The following TTK variants were observed in gnomAD, a reference collection of about 807,000 sequenced individuals.
TTK encodes TTK protein kinase.
Under a neutral mutation model 117.3 loss-of-function variants are expected in TTK, and 59 were observed. The ratio of observed to expected loss-of-function variants is 0.50; its 90% CI spans 0.41 to 0.62. The LOEUF is 0.62. Among genes scored for constraint, TTK ranks in the 20% least tolerant of loss-of-function variants. The pLI is 0.00. For synonymous variants in TTK, 302 were observed against 325.0 expected (o/e 0.93, Z 0.76); for missense variants, 921 against 989.4 (o/e 0.93, Z 0.93).
intron 9 of TTK, among the ~76,000 whole-genome samples, chr6:80,013,779 A>G (rs1708083847): frequency 6.6e-6 from 1 of 152,118 alleles, no homozygotes; most frequent in Non-Finnish European, 1.5e-5. Flanking sequence ...AGGTGAGGAC[A>G]TAAATAATCC....
chr6:80,020,068 C>A (rs115205159), intron 10 of TTK, among the ~76,000 whole-genome samples: 1 of 80,586 alleles, frequency 1.2e-5, no homozygotes, highest in Admixed American at 1.5e-4. Flanking sequence ...ATAAACATGT[C>A]TAAACATGTA....
At chr6:80,022,507 T>A in intron 11 of TTK, 35 bp downstream of exon 11, 1 of 1,599,808 alleles carries the variant, frequency 6.3e-7, no homozygotes, top group Non-Finnish European at 8.5e-7. Context: ...ATTGCTTTTT[T>A]GTTCATAATG....
In TTK at chr6:80,040,700, T is replaced by C; in HGVS notation, c.2487T>C (p.Ala829=). The C allele has an allele frequency of 6.2e-7, 1 of 1,611,102 alleles. No individual in the cohort carries two copies. The highest frequency in any genetic ancestry group is 8.5e-7 in the Non-Finnish European group (1 of 1,178,098). Reference sequence around the variant, plus strand: ...CTCCTAACTCCATTTTGAAAGCTGCTAAAGTAAGTATGTCTATTCTTTACA... The same window carrying C: ...CTCCTAACTCCATTTTGAAAGCTGCCAAAGTAAGTATGTCTATTCTTTACA... The part of the protein sequence containing the change: ...LNSPNSILKA[A]KTLYEHYSGG... Residue 829 remains alanine, a synonymous_variant, in exon 21 of 22, where the codon GCT becomes GCC. Transcript: ENST00000369798.
chr6:80,040,351 C>A, intron 20 of TTK, 71 bp downstream of exon 20: 1 of 1,290,104 alleles, frequency 7.8e-7, no homozygotes, highest in Non-Finnish European at 1.1e-6. Context: ...ATTAATATAA[C>A]AAAGACAGAA....
chr6:80,037,098 G>A (rs1468142663), intron 17 of TTK, among the ~76,000 whole-genome samples: 2 of 152,136 alleles, frequency 1.3e-5, no homozygotes, highest in Non-Finnish European at 2.9e-5. Flanking sequence ...TATTGCAACA[G>A]CAAACTAAAA....
At chr6:80,026,354 A>G in intron 11 of TTK, 24 bp from the exon 12 acceptor site, 1 of 1,596,868 alleles carries the variant, frequency 6.3e-7, no homozygotes, top group Non-Finnish European at 8.5e-7. Context: ...AAACTAAATC[A>G]TGGTGTTCTT....
intron 11 of TTK, among the ~76,000 whole-genome samples, chr6:80,024,157 G>C (rs981033354): frequency 2.6e-5 from 4 of 152,212 alleles, no homozygotes; most frequent in South Asian, 2.1e-4. Context: ...TATGCTGCTA[G>C]TGGGAATGTA....
intron 13 of TTK, among the ~76,000 whole-genome samples, chr6:80,031,236 T>G (rs1767752598): frequency 6.6e-6 from 1 of 151,758 alleles, no homozygotes. Context: ...CTCCTTAAAT[T>G]TTCTTTTTAA....
chr6:80,028,086 A>C (rs73747981), intron 13 of TTK, 75 bp downstream of exon 13: 55 of 1,422,702 alleles, frequency 3.9e-5, no homozygotes, highest in African/African-American at 5.9e-5. Context: ...TATAGCATCT[A>C]GTTATCAAGA....
chr6:80,007,219 G>C (rs240225), intron 2 of TTK, among the ~76,000 whole-genome samples: 93,855 of 151,846 alleles, frequency 0.62, 29,448 homozygotes, highest in Admixed American at 0.73. Context: ...AATTATCAGG[G>C]CCTCTAGCAG....
chr6:80,026,638 T>C (rs192754518), intron 12 of TTK, 124 bp downstream of exon 12: 9 of 1,377,804 alleles, frequency 6.5e-6, no homozygotes, highest in Non-Finnish European at 8.9e-6. Flanking sequence ...CATCTTCATA[T>C]TATTTTTTCA....
At chr6:80,030,217 C>G (rs1767718960) in intron 13 of TTK, among the ~76,000 whole-genome samples, 1 of 152,120 alleles carries the variant, frequency 6.6e-6, no homozygotes, top group African/African-American at 2.4e-5. Context: ...ATCAGGAGGT[C>G]TTTTTGTTTC....
At chr6:80,022,582 G>C in intron 11 of TTK, 110 bp downstream of exon 11, 3 of 1,191,864 alleles carry the variant, frequency 2.5e-6, no homozygotes, top group Non-Finnish European at 3.4e-6. Context: ...ATATTTAGTA[G>C]AATAGTTTAT....
chr6:80,018,225 G>T (rs955846708), intron 10 of TTK, among the ~76,000 whole-genome samples: 1 of 151,894 alleles, frequency 6.6e-6, no homozygotes, highest in African/African-American at 2.4e-5. Context: ...AAATATAATT[G>T]ATTTTTACTT....
intron 16 of TTK, among the ~76,000 whole-genome samples, chr6:80,036,236 G>C (rs1245674715): frequency 6.6e-6 from 1 of 152,016 alleles, no homozygotes; most frequent in Non-Finnish European, 1.5e-5. Flanking sequence ...TGGGGATGAT[G>C]ATAATACTTC....
At chr6:80,024,687 C>G (rs1767558514) in intron 11 of TTK, among the ~76,000 whole-genome samples, 2 of 152,084 alleles carry the variant, frequency 1.3e-5, no homozygotes, top group Non-Finnish European at 2.9e-5. Flanking sequence ...GTGATGGTTG[C>G]ACAGCTGTGA....
At chr6:80,040,378 T>C (rs1390122996) in intron 20 of TTK, 98 bp downstream of exon 20, 5 of 1,067,490 alleles carry the variant, frequency 4.7e-6, no homozygotes, top group Non-Finnish European at 6.6e-6. Flanking sequence ...TTGGCTACCC[T>C]TTGTCAGCCT....
At position 80,020,991 on chromosome 6, in the gene TTK, C is replaced by G. The variant is rs569359329; in HGVS notation, c.1109-1333C>G. Among the ~76,000 whole-genome samples, 248 of 152,296 alleles carry G rather than the reference C, an allele frequency of 1.6e-3. 2 individuals are homozygous for G. Among genetic ancestry groups the G allele is most frequent in the Non-Finnish European group, 1.9e-3 (130 of 68,026 alleles). ...AAATCCAGACAGCACTGCAGAGTGA[C>G]CTGCATTGGGTCCAGATGGCAAAGA... On this transcript the variant is annotated intron_variant, in intron 10 of 21. Coordinates refer to ENST00000369798, the MANE Select transcript of TTK (RefSeq NM_003318.5).
chr6:80,007,181 C>T (rs986165048), intron 2 of TTK, among the ~76,000 whole-genome samples: 10 of 152,112 alleles, frequency 6.6e-5, no homozygotes, highest in African/African-American at 1.2e-4. Flanking sequence ...GTCTAGACCA[C>T]GGTAACTATG....
Sources: allele counts gnomAD v4.1 joint callset (sites outside exome capture counted in the v4.1 genomes callset), GRCh38; gene constraint gnomAD v4.1.1; transcripts MANE v1.5; gene names NCBI Gene and HGNC (gene_info 2026-07-23, HGNC 2026-07-21).